The following ARNT2 variants were observed in gnomAD, a reference collection of about 807,000 sequenced individuals.
ARNT2 encodes the protein ARNT protein 2.
Under a neutral mutation model 91.7 loss-of-function variants are expected in ARNT2, and 36 were observed. The ratio of observed to expected loss-of-function variants is 0.39; its 90% CI spans 0.30 to 0.52. The LOEUF is 0.52. ARNT2 is among the 20% of genes least tolerant of loss of function. The pLI, the probability that ARNT2 is intolerant of heterozygous loss-of-function variation, is 0.72. For missense variants in ARNT2, 775 were observed against 939.3 expected (o/e 0.83, Z 2.29); for synonymous variants, 365 against 347.1 (o/e 1.05, Z -0.57).
intron 17 of ARNT2, among the ~76,000 whole-genome samples, chr15:80,585,887 C>T (rs1487504183): frequency 1.3e-5 from 2 of 152,208 alleles, no homozygotes; most frequent in South Asian, 2.1e-4. Context: ...TGCAGTACCT[C>T]GCTTGTCTCT....
intron 1 of ARNT2, among the ~76,000 whole-genome samples, chr15:80,429,819 A>T (rs1046014982): frequency 6.6e-6 from 1 of 152,078 alleles, no homozygotes; most frequent in Admixed American, 6.5e-5. Flanking sequence ...AGTTTGAGAA[A>T]AAAGCCCGCC....
chr15:80,586,585 G>A (rs1893175925), intron 17 of ARNT2, among the ~76,000 whole-genome samples: 1 of 152,170 alleles, frequency 6.6e-6, no homozygotes, highest in African/African-American at 2.4e-5. Context: ...GTTATTCCAG[G>A]CTGGGTGTGG....
Position 80,406,625 on chromosome 15 carries a change from C to T in ARNT2, c.31+2079C>T, listed in dbSNP as rs546006052. 1.7e-4 allele frequency among the ~76,000 whole-genome samples: 26 copies of T among 152,238 alleles called. No individual in the cohort carries two copies. The East Asian group carries it at 2.9e-3, about 17-fold the overall frequency. On this transcript the variant is annotated intron_variant, in intron 1 of 18. Transcript: ENST00000303329. ...AAGATGGAGTAACTGCCCCTGGCCC[C>T]GTGGTGTGAAGCACAGGAAAGCCTG...
At chr15:80,525,792 C>A (rs891433286) in intron 8 of ARNT2, among the ~76,000 whole-genome samples, 1 of 152,196 alleles carries the variant, frequency 6.6e-6, no homozygotes, top group African/African-American at 2.4e-5. Context: ...ATTGAAGCAG[C>A]AACTCCCTCA....
Position 80,597,384 on chromosome 15 carries a change from G to T in ARNT2, c.*3686G>T. ...TGTCCTTTATATTACCAGAAAATAT[G>T]GGCTTGGCCTAAGTCGCTGTCTCCT... On this transcript the variant is annotated 3_prime_UTR_variant, in exon 19 of 19. Coordinates refer to ENST00000303329, the MANE Select transcript of ARNT2 (RefSeq NM_014862.4). 1 of 484,638 alleles carries T rather than the reference G, an allele frequency of 2.1e-6. No individual in the cohort carries two copies. Among genetic ancestry groups the T allele is most frequent in the Non-Finnish European group, 4.1e-6 (1 of 241,084 alleles). The allele number at this position is 484,638 out of a possible 1,614,324, so 30.0% of individuals were successfully genotyped here. A position where few individuals can be genotyped will look rare whatever the true frequency, so the allele number is the denominator to read the frequency against.
At chr15:80,426,851 G>A (rs1895939676) in intron 1 of ARNT2, among the ~76,000 whole-genome samples, 1 of 152,100 alleles carries the variant, frequency 6.6e-6, no homozygotes, top group Admixed American at 6.5e-5. Flanking sequence ...CAGCTGATTC[G>A]ATTCCTGGTT....
chr15:80,526,832 A>G (rs1420252771), intron 8 of ARNT2, among the ~76,000 whole-genome samples: 1 of 152,174 alleles, frequency 6.6e-6, no homozygotes, highest in African/African-American at 2.4e-5. Flanking sequence ...GAGCTCATCT[A>G]CAAGAACCTT....
chr15:80,522,598 GAA>G (rs1897567106), intron 8 of ARNT2, among the ~76,000 whole-genome samples: 10 of 151,980 alleles, frequency 6.6e-5, no homozygotes, highest in Admixed American at 6.6e-4. Context: ...TTATTGTACT[GAA>G]TATTTTAGCA....
chr15:80,539,322 G>A (rs759342696), intron 8 of ARNT2, among the ~76,000 whole-genome samples: 1 of 152,056 alleles, frequency 6.6e-6, no homozygotes, highest in Non-Finnish European at 1.5e-5. Flanking sequence ...TGCTTGGGTG[G>A]TTTATCATTA....
intron 1 of ARNT2, among the ~76,000 whole-genome samples, chr15:80,423,896 CTGGGA>C (rs1329422155): frequency 6.6e-6 from 1 of 152,150 alleles, no homozygotes; most frequent in Non-Finnish European, 1.5e-5. Context: ...TTTCATAAAA[CTGGGA>C]TATCCAGGCA....
In ARNT2 at chr15:80,446,573, G is replaced by A. The variant is rs551582280; in HGVS notation, c.32-4307G>A. Among the ~76,000 whole-genome samples the A allele has an allele frequency of 2.1e-3, 326 of 152,372 alleles. 3 individuals carry two copies. The highest frequency in any genetic ancestry group is 3.6e-3 in the Non-Finnish European group (245 of 68,044). On this transcript the variant is annotated intron_variant, in intron 1 of 18. Transcript: ENST00000303329. Reference sequence around the variant, plus strand: ...CACCACAAGGGACAGGGACCCCACAGTGGGTGGCCAAACACGTAAGAGCCT... The same window carrying A: ...CACCACAAGGGACAGGGACCCCACAATGGGTGGCCAAACACGTAAGAGCCT...
chr15:80,575,089 A>G lies in ARNT2; in HGVS notation c.1492A>G (p.Met498Val), dbSNP rs1898649131. The G allele has an allele frequency of 6.2e-7, 1 of 1,614,054 alleles. No homozygotes were observed. Among genetic ancestry groups the G allele is most frequent in the African/African-American group, 1.3e-5 (1 of 74,930 alleles). Reference protein sequence around the residue: ...SQERDPRFAEMFAGISASEKK... With the variant: ...SQERDPRFAEVFAGISASEKK... Reference sequence around the variant, plus strand: ...GGAAAGAGATCCTCGGTTTGCTGAAATGTTTGCAGGAATTAGTGCATGTAA... The same window carrying G: ...GGAAAGAGATCCTCGGTTTGCTGAAGTGTTTGCAGGAATTAGTGCATGTAA... Residue 498 changes from methionine to valine, a missense_variant, in exon 14 of 19, where the codon ATG (methionine) becomes GTG (valine). Physicochemically the swap from Met to Val is conservative, Grantham distance 21. Coordinates refer to ENST00000303329, the MANE Select transcript of ARNT2 (RefSeq NM_014862.4).
rs1261262309 is a variant in ARNT2, at chr15:80,505,921, TTTG to T, written c.623-2229_623-2227del. 1.8e-4 allele frequency among the ~76,000 whole-genome samples: 22 copies of T among 120,362 alleles called. 1 individual carries two copies. Among genetic ancestry groups the T allele is most frequent in the African/African-American group, 7.4e-4 (20 of 26,856 alleles). The allele number at this position is 120,362 out of a possible 152,430, so 79.0% of individuals were successfully genotyped here. A position where few individuals can be genotyped will look rare whatever the true frequency, so the allele number is the denominator to read the frequency against. On this transcript the variant is annotated intron_variant, in intron 5 of 18. Coordinates refer to ENST00000303329, the MANE Select transcript of ARNT2 (RefSeq NM_014862.4). ...GTTAAAGAAAAAATGATTCCCAACA[TTTG>T]TTGTTTTTTTTTTTTTTTTTTTTGA...
At chr15:80,518,277 C>CTTTTTTTTTTT (rs56726705) in intron 8 of ARNT2, among the ~76,000 whole-genome samples, 142 of 89,376 alleles carry the variant, frequency 1.6e-3, no homozygotes, top group East Asian at 1.8e-3. Context: ...TTTTTCTATT[C>CTTTTTTTTTTT]TTTTTTTTTT....
intron 11 of ARNT2, chr15:80,555,970 C>T (rs1157313105): frequency 6.7e-6 from 1 of 149,996 alleles, no homozygotes; most frequent in African/African-American, 2.5e-5. Context: ...GTCTCACTCA[C>T]TCACTCACTC....
intron 8 of ARNT2, among the ~76,000 whole-genome samples, chr15:80,528,355 T>C (rs375683348): frequency 6.6e-6 from 1 of 151,244 alleles, no homozygotes; most frequent in East Asian, 2.0e-4. Flanking sequence ...AGATTTTAGA[T>C]ATTTGACCAT....
chr15:80,580,700 C>T (rs1260786897), intron 16 of ARNT2, 151 bp downstream of exon 16: 25 of 1,019,296 alleles, frequency 2.5e-5, no homozygotes, highest in Non-Finnish European at 3.4e-5. Flanking sequence ...GGAGCACCAT[C>T]CACCCTCAGG....
chr15:80,551,752 T>G (rs1451075203), intron 9 of ARNT2, among the ~76,000 whole-genome samples: 1 of 152,208 alleles, frequency 6.6e-6, no homozygotes, highest in Non-Finnish European at 1.5e-5. Context: ...CTTCTTCTCC[T>G]TTCAATGTTC....
chr15:80,439,689 A>T (rs962910404), intron 1 of ARNT2, among the ~76,000 whole-genome samples: 3 of 152,188 alleles, frequency 2.0e-5, no homozygotes, highest in African/African-American at 4.8e-5. Context: ...TGGACAGTCA[A>T]CATGCATCTT....
Sources: allele counts gnomAD v4.1 joint callset (sites outside exome capture counted in the v4.1 genomes callset), GRCh38; gene constraint gnomAD v4.1.1; transcripts MANE v1.5; gene names NCBI Gene and HGNC (gene_info 2026-07-23, HGNC 2026-07-21).